Variants in RNF34 observed in about 807,000 individuals in gnomAD.
The protein encoded by RNF34 is E3 ubiquitin-protein ligase RNF34.
Under a neutral mutation model 37.9 loss-of-function variants are expected in RNF34, and 12 were observed. That is an observed-to-expected ratio of 0.32 (90% CI 0.20 to 0.51). The LOEUF is 0.51. RNF34 is among the 20% of genes least tolerant of loss of function. The probability of loss-of-function intolerance (pLI) is 0.97; values close to 1 mark genes in which losing one functional copy is unlikely to be tolerated. For synonymous variants in RNF34, 155 were observed against 177.2 expected, an observed-to-expected ratio of 0.87 and a Z score of 1.00; for missense variants, 362 against 472.7, an observed-to-expected ratio of 0.77 and a Z score of 2.17.
intron 5 of RNF34, among the ~76,000 whole-genome samples, chr12:121,421,389 A>AC (rs1872137863): frequency 8.8e-5 from 13 of 146,996 alleles, no homozygotes; most frequent in Non-Finnish European, 1.5e-4. Flanking sequence ...AAAAAAAAAA[A>AC]AAAAAAAAAC....
At chr12:121,420,837 GGTT>G (rs2137156241) in intron 5 of RNF34, 59 bp downstream of exon 5, 1 of 1,320,970 alleles carries the variant, frequency 7.6e-7, no homozygotes, top group African/African-American at 1.5e-5. Flanking sequence ...TTAAAAACTG[GGTT>G]GTTTTTGTCA....
At chr12:121,401,411 C>T (rs186959684) in intron 1 of RNF34, among the ~76,000 whole-genome samples, 41 of 140,350 alleles carry the variant, frequency 2.9e-4, no homozygotes, top group South Asian at 4.7e-4. Context: ...AAGGATACTT[C>T]TGGCTACAGA....
At chr12:121,403,086 T>G (rs193045780) in intron 1 of RNF34, among the ~76,000 whole-genome samples, 17 of 152,196 alleles carry the variant, frequency 1.1e-4, no homozygotes, top group Admixed American at 2.6e-4. Context: ...GAGCATATGT[T>G]TCTCAAATGG....
At chr12:121,406,834 T>A (rs1555280736) in intron 1 of RNF34, among the ~76,000 whole-genome samples, 1 of 152,214 alleles carries the variant, frequency 6.6e-6, no homozygotes, top group African/African-American at 2.4e-5. Context: ...CCTCATTCTC[T>A]TATTCTCTAT....
At chr12:121,414,711 C>T (rs1385322153) in intron 1 of RNF34, among the ~76,000 whole-genome samples, 2 of 151,990 alleles carry the variant, frequency 1.3e-5, no homozygotes, top group Non-Finnish European at 2.9e-5. Context: ...CTCGCTCTGT[C>T]GCCCAGCCTG....
chr12:121,421,651 A>C (rs1331357748), intron 5 of RNF34, among the ~76,000 whole-genome samples: 2 of 152,196 alleles, frequency 1.3e-5, no homozygotes, highest in Non-Finnish European at 2.9e-5. Flanking sequence ...TGGACAAGAA[A>C]AAATAATTCA....
intron 1 of RNF34, among the ~76,000 whole-genome samples, chr12:121,411,868 T>G (rs1310846571): frequency 6.6e-6 from 1 of 152,224 alleles, no homozygotes; most frequent in East Asian, 1.9e-4. Flanking sequence ...GCTAAACTTG[T>G]AAAACTGCAC....
At chr12:121,406,413 A>T (rs1359185717) in intron 1 of RNF34, among the ~76,000 whole-genome samples, 1 of 151,818 alleles carries the variant, frequency 6.6e-6, no homozygotes, top group Non-Finnish European at 1.5e-5. Context: ...CAACCTCCCC[A>T]GTGGCTGGGA....
At chr12:121,408,436 C>CT (rs1555280925) in intron 1 of RNF34, among the ~76,000 whole-genome samples, 1 of 149,472 alleles carries the variant, frequency 6.7e-6, no homozygotes, top group African/African-American at 2.5e-5. Context: ...GAGTGAAACT[C>CT]TGTCTAAAAA....
intron 3 of RNF34, chr12:121,420,006 T>C: frequency 2.4e-6 from 1 of 418,842 alleles, no homozygotes; most frequent in Non-Finnish European, 4.5e-6. Flanking sequence ...TCTGGTTAGA[T>C]TTTATAACTT....
In RNF34 at chr12:121,417,246, A is replaced by T. The variant is rs138379218; in HGVS notation, c.226-258A>T. ...ATTACATGTTTATACCAAGGGGTGGAAAGGTTTTAATTCATTAACACAAGA... is the reference window on the plus strand; with the variant it reads ...ATTACATGTTTATACCAAGGGGTGGTAAGGTTTTAATTCATTAACACAAGA... On this transcript the variant is annotated intron_variant, in intron 2 of 5. Transcript: ENST00000361234. The surrounding 1 kb of genome is among the most constrained non-coding windows in gnomAD (Gnocchi z 5.0). 3.0e-4 allele frequency among the ~76,000 whole-genome samples: 45 copies of T among 152,374 alleles called. 1 individual carries two copies. In the East Asian group the frequency reaches 8.7e-3, roughly 29 times the overall value.
chr12:121,416,269 C>G lies in RNF34; in HGVS notation c.117C>G (p.Phe39Leu), dbSNP rs1871564215. The change falls in exon 2 of 6, where the codon TTC becomes TTG. Residue 39 changes from phenylalanine to leucine, a missense_variant. Phe to Leu is a conservative substitution (Grantham distance 22, BLOSUM62 0). Coordinates refer to ENST00000361234, the MANE Select transcript of RNF34 (RefSeq NM_025126.4). ...CATTTGCAGGAGCCACCGGTCCATT[C>G]AGATTTACACCAAACCCTGAGTTTT... ...QSAFAGATGPFRFTPNPEFST... is the reference protein window; with the variant it reads ...QSAFAGATGPLRFTPNPEFST... 1 of 1,614,098 alleles carries G rather than the reference C, an allele frequency of 6.2e-7. No individual in the cohort carries two copies. The highest frequency in any genetic ancestry group is 8.5e-7 in the Non-Finnish European group (1 of 1,179,986).
At chr12:121,410,704 T>C (rs1870979600) in intron 1 of RNF34, among the ~76,000 whole-genome samples, 1 of 152,176 alleles carries the variant, frequency 6.6e-6, no homozygotes, top group Non-Finnish European at 1.5e-5. Context: ...CCCTTCAATA[T>C]GATGCTAAGG....
At chr12:121,416,446 T>A in intron 2 of RNF34, 69 bp downstream of exon 2, 1 of 1,041,190 alleles carries the variant, frequency 9.6e-7, no homozygotes, top group Non-Finnish European at 1.5e-6. Context: ...TTATTTTGAA[T>A]AGCTATTGAA....
Position 121,420,655 on chromosome 12 carries a change from G to A in RNF34, c.805G>A (p.Val269Met), listed in dbSNP as rs761059150. 24 of 1,614,020 alleles carry A rather than the reference G, an allele frequency of 1.5e-5. No individual in the cohort carries two copies. The highest frequency in any genetic ancestry group is 8.8e-5 in the South Asian group (8 of 91,090). Reference sequence around the variant, plus strand: ...CCTTGATGATGTGGAAGGAATGAGCGTGCGCCAGCTGAAGGAAATTCTGGC... The same window carrying A: ...CCTTGATGATGTGGAAGGAATGAGCATGCGCCAGCTGAAGGAAATTCTGGC... ...SSLDDVEGMS[V>M]RQLKEILARN... The change falls in exon 5 of 6, where the codon GTG becomes ATG. Residue 269 changes from valine (V) to methionine (M), a missense_variant. Physicochemically the swap from Val to Met is conservative, Grantham distance 21. Transcript: ENST00000361234.
chr12:121,401,222 G>A (rs1336648329), intron 1 of RNF34, among the ~76,000 whole-genome samples: 1 of 152,060 alleles, frequency 6.6e-6, no homozygotes, highest in Non-Finnish European at 1.5e-5. Flanking sequence ...TTTTCTGTGC[G>A]TTAGCCAAGA....
chr12:121,404,861 CATATT>C (rs1566223555), intron 1 of RNF34: 4 of 152,190 alleles, frequency 2.6e-5, no homozygotes, highest in South Asian at 2.1e-4. Context: ...ATTCTGAAAA[CATATT>C]AGATTATACA....
chr12:121,409,006 C>T (rs1308584770), intron 1 of RNF34, among the ~76,000 whole-genome samples: 6 of 151,462 alleles, frequency 4.0e-5, no homozygotes, highest in African/African-American at 7.3e-5. Context: ...GAGTCTTGCT[C>T]GGTCACCCAG....
chr12:121,406,530 G>A (rs782570149), intron 1 of RNF34, among the ~76,000 whole-genome samples: 4 of 152,022 alleles, frequency 2.6e-5, no homozygotes, highest in African/African-American at 7.3e-5. Flanking sequence ...CAAGCAATCC[G>A]CCCACTTCAG....
Sources: gnomAD v4.1 joint callset for allele counts (sites outside exome capture counted in the v4.1 genomes callset) on GRCh38, gnomAD v4.1.1 for gene constraint, Gnocchi (gnomAD v3.1) non-coding constraint, MANE v1.5 for transcripts, NCBI Gene and HGNC (gene_info 2026-07-23, HGNC 2026-07-21) for gene names.